The following CSF2RA variants were observed in gnomAD, a reference collection of about 807,000 sequenced individuals.
CSF2RA encodes the protein granulocyte-macrophage colony-stimulating factor receptor subunit alpha.
In CSF2RA, 42 loss-of-function variants were observed where a neutral mutation model predicts 51.6. That is an observed-to-expected ratio of 0.81 (90% CI 0.64 to 1.05). The LOEUF is 1.05. CSF2RA is among the 50% of genes least tolerant of loss of function. The probability of loss-of-function intolerance (pLI) is 0.00; values close to 1 mark genes in which losing one functional copy is unlikely to be tolerated. For synonymous variants in CSF2RA, 222 were observed against 193.0 expected (o/e 1.15, Z -1.24); for missense variants, 530 against 501.1 (o/e 1.06, Z -0.55).
the CSF2RA span, among the ~76,000 whole-genome samples, chrX:1,317,558 T>TATTTA: frequency 7.5e-6 from 1 of 133,374 alleles, no homozygotes; most frequent in Admixed American, 7.7e-5. Context: ...GCTTTTTTTA[T>TATTTA]TTTTATTTTA....
chrX:1,270,056 C>A (rs1199498330), intron 1 of CSF2RA, among the ~76,000 whole-genome samples: 1 of 151,864 alleles, frequency 6.6e-6, no homozygotes, highest in Non-Finnish European at 1.5e-5. Context: ...TTGCAGTGAG[C>A]CCAGATTGCA....
At position 1,281,183 on chromosome X, in the gene CSF2RA, TCTCCTTCTCCTCCTTCTCCTA is replaced by T. The variant is rs1434481544; in HGVS notation, c.-26-1489_-26-1469del. 1.7e-4 allele frequency among the ~76,000 whole-genome samples: 14 copies of T among 83,154 alleles called. No homozygotes were observed. In the East Asian group the frequency reaches 3.5e-3, roughly 21 times the overall value. The allele number at this position is 83,154 out of a possible 152,430, so 54.6% of individuals were successfully genotyped here. A position where few individuals can be genotyped will look rare whatever the true frequency, so the allele number is the denominator to read the frequency against. On this transcript the variant is annotated intron_variant, in intron 2 of 12. Transcript: ENST00000381529. ...TCCTCCTACTCCTCCTTCTCCTCCT[TCTCCTTCTCCTCCTTCTCCTA>T]CTCCTCCTTCTCCTACTCCTCCTTC...
intron 12 of CSF2RA, among the ~76,000 whole-genome samples, chrX:1,308,932 C>T (rs769680504): frequency 5.4e-4 from 82 of 152,280 alleles, no homozygotes; most frequent in African/African-American, 1.9e-3. Context: ...ATCTTTACCC[C>T]AGGAAAAACC....
At chrX:1,314,268 CGCCTGCCCA>C (rs1569514713), downstream of CSF2RA, among the ~76,000 whole-genome samples, 97 of 47,602 alleles carry the variant, frequency 2.0e-3, 5 homozygotes, top group East Asian at 6.6e-3. Flanking sequence ...AACCCCACTG[CGCCTGCCCA>C]ACCCCACTGC....
intron 4 of CSF2RA, among the ~76,000 whole-genome samples, chrX:1,288,145 T>C (rs28710089): frequency 0.23 from 34,777 of 151,620 alleles, 4,101 homozygotes; most frequent in East Asian, 0.36. Context: ...AGGGGGATGA[T>C]TTCACAAAGG....
intron 3 of CSF2RA, among the ~76,000 whole-genome samples, chrX:1,284,195 C>CTCTCTTT (rs1443798206): frequency 2.2e-5 from 2 of 91,750 alleles, no homozygotes; most frequent in African/African-American, 7.9e-5. Context: ...CTCTGTCTCT[C>CTCTCTTT]TTTTTTTTTT....
At chrX:1,317,556 T>C in the CSF2RA span, among the ~76,000 whole-genome samples, 2 of 140,180 alleles carry the variant, frequency 1.4e-5, no homozygotes, top group African/African-American at 5.7e-5. Context: ...CAGCTTTTTT[T>C]ATTTTTATTT....
intron 7 of CSF2RA, among the ~76,000 whole-genome samples, chrX:1,292,812 C>T (rs868129672): frequency 2.6e-5 from 4 of 152,066 alleles, no homozygotes; most frequent in Non-Finnish European, 4.4e-5. Context: ...ATCTCAACCG[C>T]GAGAGGACTT....
At position 1,305,537 on chromosome X, in the gene CSF2RA, G is replaced by C. The variant is rs770268309; in HGVS notation, c.1125+10G>C. On this transcript the variant is annotated intron_variant, in intron 12 of 12. Transcript: ENST00000381529. Reference sequence around the variant, plus strand: ...TGAGGTGGAAGACGAGGTAGGCAGGGGTGGGCGGAGCAGTGACCTGGGATG... The same window carrying C: ...TGAGGTGGAAGACGAGGTAGGCAGGCGTGGGCGGAGCAGTGACCTGGGATG... The C allele has an allele frequency of 6.2e-7, 1 of 1,613,850 alleles. No individual in the cohort carries two copies. Among genetic ancestry groups the C allele is most frequent in the Non-Finnish European group, 8.5e-7 (1 of 1,179,882 alleles).
downstream of CSF2RA, among the ~76,000 whole-genome samples, chrX:1,315,323 G>C (rs182620173): frequency 2.6e-5 from 4 of 152,206 alleles, no homozygotes; most frequent in South Asian, 6.2e-4. Flanking sequence ...TAGATGAATA[G>C]ATGTATAGGT....
chrX:1,289,382 C>A (rs1275985023), intron 6 of CSF2RA, among the ~76,000 whole-genome samples: 1 of 151,918 alleles, frequency 6.6e-6, no homozygotes, highest in Non-Finnish European at 1.5e-5. Flanking sequence ...CCTGCCTCAA[C>A]CTCCCCAAAG....
chrX:1,319,536 C>T, the CSF2RA span, among the ~76,000 whole-genome samples: 1 of 148,626 alleles, frequency 6.7e-6, no homozygotes, highest in African/African-American at 2.4e-5. Flanking sequence ...GATCCACCCT[C>T]CTCGGCCTCC....
At chrX:1,309,180 TGG>T (rs2083982745) in intron 12 of CSF2RA, among the ~76,000 whole-genome samples, 1 of 152,010 alleles carries the variant, frequency 6.6e-6, no homozygotes, top group East Asian at 1.9e-4. Flanking sequence ...AAATTTGTGG[TGG>T]CGGGCGCCTG....
Position 1,293,092 on chromosome X carries a change from G to A in CSF2RA, c.647-1236G>A, listed in dbSNP as rs760608451. Among the ~76,000 whole-genome samples, 72 of 152,264 alleles carry A rather than the reference G, an allele frequency of 4.7e-4. 1 individual carries two copies. The highest frequency in any genetic ancestry group is 1.6e-3 in the African/African-American group (66 of 41,540). On this transcript the variant is annotated intron_variant, in intron 7 of 12. Coordinates refer to ENST00000381529, the MANE Select transcript of CSF2RA (RefSeq NM_172245.4). ...CACATGTTTCTGTGAGCACAGTGTT[G>A]GGGCTACAGTTACAGCTTAACAGCA... is the stretch of plus-strand genomic sequence containing the variant.
At chrX:1,317,601 T>TCAGG in the CSF2RA span, among the ~76,000 whole-genome samples, 1 of 149,876 alleles carries the variant, frequency 6.7e-6, no homozygotes, top group African/African-American at 2.5e-5. Context: ...GGAGTCTTGC[T>TCAGG]CTTGTCACCC....
At chrX:1,305,329 T>A in intron 11 of CSF2RA, 117 bp from the exon 12 acceptor site, 2 of 1,162,806 alleles carry the variant, frequency 1.7e-6, no homozygotes, top group Non-Finnish European at 2.6e-6. Context: ...CTTAGTGAAG[T>A]TTTGCATAGT....
downstream of CSF2RA, chrX:1,310,031 C>CA (rs2084086691): frequency 1.9e-5 from 7 of 371,402 alleles, no homozygotes; most frequent in East Asian, 1.7e-4. Context: ...CCTGTCTCTA[C>CA]AAAAAAGGCA....
intron 9 of CSF2RA, among the ~76,000 whole-genome samples, chrX:1,299,892 TG>T: frequency 6.6e-6 from 1 of 151,838 alleles, no homozygotes; most frequent in Middle Eastern, 3.4e-3. Context: ...CACTCCAGCC[TG>T]GGCGACAGAG....
At chrX:1,312,920 T>C (rs2084247796), downstream of CSF2RA, among the ~76,000 whole-genome samples, 1 of 151,960 alleles carries the variant, frequency 6.6e-6, no homozygotes, top group Admixed American at 6.6e-5. Context: ...GGAGCCAGGC[T>C]CTTGGTGGGG....
Sources: gnomAD v4.1 joint callset for allele counts (sites outside exome capture counted in the v4.1 genomes callset) on GRCh38, gnomAD v4.1.1 for gene constraint, MANE v1.5 for transcripts, NCBI Gene and HGNC (gene_info 2026-07-23, HGNC 2026-07-21) for gene names.